The following RPS6KC1 variants were observed in gnomAD, a reference collection of about 807,000 sequenced individuals.
RPS6KC1 encodes the protein inactive ribosomal protein S6 kinase delta-1.
RPS6KC1 carries 54 observed loss-of-function variants against 103.8 expected under a neutral mutation model. The ratio of observed to expected loss-of-function variants is 0.52; its 90% CI spans 0.42 to 0.65. The LOEUF is 0.65. Among genes scored for constraint, RPS6KC1 ranks in the 30% least tolerant of loss-of-function variants. The probability of loss-of-function intolerance (pLI) is 0.00; values close to 1 mark genes in which losing one functional copy is unlikely to be tolerated. For synonymous variants in RPS6KC1, 439 were observed against 438.7 expected (o/e 1.00, Z -0.01); for missense variants, 1,151 against 1,253.8 (o/e 0.92, Z 1.24).
At chr1:213,207,687 G>A (rs1360556946) in intron 8 of RPS6KC1, among the ~76,000 whole-genome samples, 1 of 151,350 alleles carries the variant, frequency 6.6e-6, no homozygotes, top group Non-Finnish European at 1.5e-5. Flanking sequence ...TTGTTTGTTT[G>A]TTTTGAGACA....
chr1:213,722,765 C>T, the RPS6KC1 span, among the ~76,000 whole-genome samples: 12 of 152,186 alleles, frequency 7.9e-5, no homozygotes, highest in Admixed American at 4.6e-4. Flanking sequence ...AGTGGGACTC[C>T]GCAGAGGAGT....
At chr1:213,154,452 G>T (rs1361808628) in intron 6 of RPS6KC1, among the ~76,000 whole-genome samples, 1 of 152,152 alleles carries the variant, frequency 6.6e-6, no homozygotes, top group East Asian at 1.9e-4. Flanking sequence ...TGCACTGTTG[G>T]GGCACTCAAA....
the RPS6KC1 span, among the ~76,000 whole-genome samples, chr1:213,646,009 G>A: frequency 1.3e-5 from 2 of 152,204 alleles, no homozygotes; most frequent in African/African-American, 4.8e-5. Context: ...GACAAATATA[G>A]CAGCATTTGC....
At chr1:213,153,629 T>A (rs866887127) in intron 6 of RPS6KC1, among the ~76,000 whole-genome samples, 1 of 152,232 alleles carries the variant, frequency 6.6e-6, no homozygotes, top group South Asian at 2.1e-4. Flanking sequence ...TACAGTGTTA[T>A]AATATTTGGT....
chr1:213,275,161 A>G (rs1275058229), downstream of RPS6KC1, among the ~76,000 whole-genome samples: 1 of 152,210 alleles, frequency 6.6e-6, no homozygotes, highest in African/African-American at 2.4e-5. Context: ...AGGCTGAATA[A>G]TATTCCATCA....
In RPS6KC1 at chr1:213,272,536, A is replaced by G; in HGVS notation, c.3103A>G (p.Asn1035Asp). ...CGTCTTTTTTTAGCTCTTGCAGTTCAATCCTCTGGAACGACTTGGTGCTGG... is the reference window on the plus strand; with the variant it reads ...CGTCTTTTTTTAGCTCTTGCAGTTCGATCCTCTGGAACGACTTGGTGCTGG... Reference protein sequence around the residue: ...RSLIQQLLQFNPLERLGAGVA... With the variant: ...RSLIQQLLQFDPLERLGAGVA... Residue 1035 changes from asparagine to aspartate, a missense_variant, in exon 15 of 15, where the codon AAT becomes GAT. Coordinates refer to ENST00000366960, the MANE Select transcript of RPS6KC1 (RefSeq NM_012424.6). 1 of 1,613,868 alleles carries G rather than the reference A, an allele frequency of 6.2e-7. No individual in the cohort carries two copies. Among genetic ancestry groups the G allele is most frequent in the Non-Finnish European group, 8.5e-7 (1 of 1,179,772 alleles).
the RPS6KC1 span, among the ~76,000 whole-genome samples, chr1:213,505,920 G>A: frequency 4.4e-4 from 67 of 152,116 alleles, 1 homozygote; most frequent in Middle Eastern, 0.02. Flanking sequence ...TTTCTTAAAG[G>A]GAGAGAGAGT....
the RPS6KC1 span, among the ~76,000 whole-genome samples, chr1:213,462,835 G>A: frequency 6.6e-6 from 1 of 152,128 alleles, no homozygotes. Flanking sequence ...AACCACCACG[G>A]CACGTGTATA....
chr1:213,493,274 G>T, the RPS6KC1 span, among the ~76,000 whole-genome samples: 82 of 152,308 alleles, frequency 5.4e-4, no homozygotes, highest in Non-Finnish European at 1.0e-3. Flanking sequence ...TCAGAAATGG[G>T]ATGGCTGGAA....
the RPS6KC1 span, among the ~76,000 whole-genome samples, chr1:213,764,149 A>G: frequency 6.6e-6 from 1 of 152,354 alleles, no homozygotes; most frequent in South Asian, 2.1e-4. Flanking sequence ...TAGCAGGTTT[A>G]TCACCTTCAT....
the RPS6KC1 span, among the ~76,000 whole-genome samples, chr1:213,828,163 T>C: frequency 6.6e-6 from 1 of 152,274 alleles, no homozygotes; most frequent in South Asian, 2.1e-4. Context: ...GACAGGGAAC[T>C]GAAAGCCAGA....
chr1:213,301,638 G>T, the RPS6KC1 span, among the ~76,000 whole-genome samples: 1 of 152,128 alleles, frequency 6.6e-6, no homozygotes, highest in South Asian at 2.1e-4. Flanking sequence ...GTTCCAGGCT[G>T]CAGTGAGCTA....
the RPS6KC1 span, among the ~76,000 whole-genome samples, chr1:213,536,382 G>A: frequency 7.9e-5 from 12 of 152,250 alleles, no homozygotes; most frequent in Non-Finnish European, 1.5e-5. Context: ...CTTCTATTAC[G>A]GAATTTATGC....
At chr1:213,802,457 T>G in the RPS6KC1 span, among the ~76,000 whole-genome samples, 1 of 152,202 alleles carries the variant, frequency 6.6e-6, no homozygotes, top group Non-Finnish European at 1.5e-5. Context: ...CCAGTAACAT[T>G]GATAAAAGAA....
the RPS6KC1 span, among the ~76,000 whole-genome samples, chr1:213,466,357 C>T: frequency 6.6e-6 from 1 of 152,148 alleles, no homozygotes; most frequent in East Asian, 1.9e-4. Flanking sequence ...CCTCTCAGAG[C>T]ACACAGTCTG....
the RPS6KC1 span, among the ~76,000 whole-genome samples, chr1:213,408,580 A>G: frequency 2.2e-4 from 33 of 152,336 alleles, no homozygotes; most frequent in African/African-American, 7.5e-4. Flanking sequence ...ATTCTACCTC[A>G]AGACTGCGGC....
intron 8 of RPS6KC1, among the ~76,000 whole-genome samples, chr1:213,190,028 A>G (rs1420100719): frequency 6.6e-6 from 1 of 152,174 alleles, no homozygotes; most frequent in African/African-American, 2.4e-5. Context: ...TTGTATATAT[A>G]CCACATTTTT....
chr1:213,774,654 A>C, the RPS6KC1 span, among the ~76,000 whole-genome samples: 3 of 152,224 alleles, frequency 2.0e-5, no homozygotes, highest in Non-Finnish European at 4.4e-5. Context: ...TGTGCAGTTA[A>C]CTGTGGAATA....
chr1:213,458,277 C>A, the RPS6KC1 span, among the ~76,000 whole-genome samples: 13 of 152,248 alleles, frequency 8.5e-5, no homozygotes, highest in South Asian at 2.5e-3. Flanking sequence ...TACATTAATT[C>A]GCTTAGGATA....
Sources: gnomAD v4.1 joint callset for allele counts (sites outside exome capture counted in the v4.1 genomes callset) on GRCh38, gnomAD v4.1.1 for gene constraint, MANE v1.5 for transcripts, NCBI Gene and HGNC (gene_info 2026-07-23, HGNC 2026-07-21) for gene names.